SH3BGRL2: variants seen among roughly 807,000 people sequenced by gnomAD.
The protein encoded by SH3BGRL2 is SH3 domain binding glutamate rich protein like 2.
In SH3BGRL2, 21 loss-of-function variants were observed where a neutral mutation model predicts 14.8. The observed-to-expected ratio is 1.42, with a 90% CI of 1.01 to 2.05. The LOEUF (loss-of-function observed/expected upper bound fraction) is 2.05. Ranked by LOEUF, SH3BGRL2 falls within the 30% of genes most tolerant of loss-of-function variation. The pLI is 0.00. For synonymous variants in SH3BGRL2, 50 were observed against 47.8 expected (o/e 1.05, Z -0.19); for missense variants, 147 against 130.8 (o/e 1.12, Z -0.61).
intron 2 of SH3BGRL2, among the ~76,000 whole-genome samples, chr6:79,681,496 T>C (rs1374347835): frequency 6.6e-6 from 1 of 152,142 alleles, no homozygotes; most frequent in Admixed American, 6.5e-5. Flanking sequence ...GGCTAGAGAC[T>C]GATTAGACTA....
At chr6:79,547,893 T>G in the SH3BGRL2 span, among the ~76,000 whole-genome samples, 1 of 152,064 alleles carries the variant, frequency 6.6e-6, no homozygotes, top group African/African-American at 2.4e-5. Context: ...TGAGACAGAG[T>G]CTCACCCTGT....
chr6:79,613,901 C>T, the SH3BGRL2 span, among the ~76,000 whole-genome samples: 1 of 152,188 alleles, frequency 6.6e-6, no homozygotes, highest in Admixed American at 6.5e-5. Context: ...AGCCACCATG[C>T]CCGGCCTGAA....
At chr6:79,611,928 G>T in the SH3BGRL2 span, among the ~76,000 whole-genome samples, 1 of 152,114 alleles carries the variant, frequency 6.6e-6, no homozygotes, top group African/African-American at 2.4e-5. Context: ...TATGTAAAGA[G>T]CCTGGTATAG....
At chr6:79,679,229 A>G (rs1358594156) in intron 2 of SH3BGRL2, among the ~76,000 whole-genome samples, 2 of 152,090 alleles carry the variant, frequency 1.3e-5, no homozygotes, top group Admixed American at 6.6e-5. Flanking sequence ...TAATTTACCA[A>G]CAGTGTATAG....
At chr6:79,599,639 A>G in the SH3BGRL2 span, among the ~76,000 whole-genome samples, 1 of 152,170 alleles carries the variant, frequency 6.6e-6, no homozygotes, top group Admixed American at 6.6e-5. Flanking sequence ...TTTTAATTAC[A>G]GCAAAACACT....
chr6:79,597,545 GCTGAGACAA>G, the SH3BGRL2 span, among the ~76,000 whole-genome samples: 2 of 152,114 alleles, frequency 1.3e-5, no homozygotes, highest in Middle Eastern at 6.3e-3. Context: ...AAGAAATGGT[GCTGAGACAA>G]CTGGAGATCC....
chr6:79,602,156 C>A, the SH3BGRL2 span, among the ~76,000 whole-genome samples: 10 of 152,140 alleles, frequency 6.6e-5, no homozygotes, highest in Non-Finnish European at 1.3e-4. Flanking sequence ...AAAATGCTTA[C>A]AATGAGCCAA....
the SH3BGRL2 span, among the ~76,000 whole-genome samples, chr6:79,559,670 C>T: frequency 1.3e-5 from 2 of 152,112 alleles, no homozygotes; most frequent in South Asian, 2.1e-4. Flanking sequence ...AAAGTAAAGG[C>T]GTTACATCAA....
chr6:79,591,315 A>G, the SH3BGRL2 span, among the ~76,000 whole-genome samples: 2 of 152,164 alleles, frequency 1.3e-5, no homozygotes, highest in Admixed American at 1.3e-4. Flanking sequence ...ACGTGGGGCT[A>G]TTGATCTAAT....
the SH3BGRL2 span, among the ~76,000 whole-genome samples, chr6:79,547,417 C>T: frequency 6.6e-6 from 1 of 152,058 alleles, no homozygotes; most frequent in African/African-American, 2.4e-5. Context: ...CTGAGCATTG[C>T]CCAAGGTCAC....
chr6:79,542,788 G>C, the SH3BGRL2 span, among the ~76,000 whole-genome samples: 1 of 152,172 alleles, frequency 6.6e-6, no homozygotes, highest in African/African-American at 2.4e-5. Flanking sequence ...ATATAAATGA[G>C]TAGACTGAAT....
chr6:79,655,074 G>T (rs1015035093), intron 1 of SH3BGRL2, among the ~76,000 whole-genome samples: 1 of 152,072 alleles, frequency 6.6e-6, no homozygotes, highest in Non-Finnish European at 1.5e-5. Context: ...TGTGTGGGGG[G>T]GTCGGAGATG....
At chr6:79,592,293 C>T in the SH3BGRL2 span, among the ~76,000 whole-genome samples, 3 of 152,290 alleles carry the variant, frequency 2.0e-5, no homozygotes, top group Admixed American at 6.5e-5. Flanking sequence ...TATTGAGGAC[C>T]TTCCTTGTGC....
rs1464487706 is a variant in SH3BGRL2, at chr6:79,703,376, A to G, written c.*3867A>G. 1 of 152,228 alleles carries G rather than the reference A, an allele frequency of 6.6e-6. No individual in the cohort carries two copies. Among genetic ancestry groups the G allele is most frequent in the African/African-American group, 2.4e-5 (1 of 41,460 alleles). The allele number at this position is 152,228 out of a possible 1,614,324, so 9.4% of individuals were successfully genotyped here. ...GCCATTTGAATTTTTAAAAAATTTC[A>G]TACATGCAATGGAATATAGATATGT... On this transcript the variant is annotated 3_prime_UTR_variant, in exon 4 of 4. Coordinates refer to ENST00000369838, the MANE Select transcript of SH3BGRL2 (RefSeq NM_031469.4).
chr6:79,593,679 T>C, the SH3BGRL2 span, among the ~76,000 whole-genome samples: 1 of 152,198 alleles, frequency 6.6e-6, no homozygotes, highest in African/African-American at 2.4e-5. Context: ...TGGAGGTTTG[T>C]AGTCATTTTT....
chr6:79,551,711 AAC>A, the SH3BGRL2 span, among the ~76,000 whole-genome samples: 1 of 152,208 alleles, frequency 6.6e-6, no homozygotes, highest in East Asian at 1.9e-4. Context: ...GAATTGAACA[AAC>A]ACACGTGTAA....
intron 1 of SH3BGRL2, among the ~76,000 whole-genome samples, chr6:79,667,063 A>G (rs1309436145): frequency 2.6e-5 from 4 of 152,214 alleles, no homozygotes; most frequent in African/African-American, 9.6e-5. Context: ...ATTGGGTTCT[A>G]TTAAAAGAAA....
chr6:79,567,373 A>C, the SH3BGRL2 span, among the ~76,000 whole-genome samples: 1 of 152,250 alleles, frequency 6.6e-6, no homozygotes, highest in Non-Finnish European at 1.5e-5. Context: ...AGAAATGTAC[A>C]TATAGAAGTA....
rs191238562 is a variant in SH3BGRL2 at position 79,662,564 on chromosome 6, T to G, written c.46-11050T>G. 6.1e-3 allele frequency among the ~76,000 whole-genome samples: 924 copies of G among 152,336 alleles called. 9 individuals are homozygous for G. The highest frequency in any genetic ancestry group is 0.02 in the African/African-American group (833 of 41,586). On this transcript the variant is annotated intron_variant, in intron 1 of 3. Transcript: ENST00000369838. ...TTGCAGGTAACCCGACCTTTCTCTC[T>G]GGCCGCCCTTAACATTTTTTTCCTT... is the stretch of plus-strand genomic sequence containing the variant.
Sources: gnomAD v4.1 joint callset for allele counts (sites outside exome capture counted in the v4.1 genomes callset) on GRCh38, gnomAD v4.1.1 for gene constraint, MANE v1.5 for transcripts, NCBI Gene and HGNC (gene_info 2026-07-23, HGNC 2026-07-21) for gene names.